The following PSD3 variants were observed in gnomAD, a reference collection of about 807,000 sequenced individuals.
The protein encoded by PSD3 is PH and SEC7 domain-containing protein 3.
Under a neutral mutation model 105.5 loss-of-function variants are expected in PSD3, and 49 were observed. The observed-to-expected ratio is 0.46, with a 90% CI of 0.37 to 0.59. The LOEUF is 0.59. PSD3 is among the 20% of genes least tolerant of loss of function. The pLI is 0.00. For synonymous variants in PSD3, 557 were observed against 457.8 expected (o/e 1.22, Z -2.77); for missense variants, 1,561 against 1,263.8 (o/e 1.24, Z -3.57).
intron 15 of PSD3, among the ~76,000 whole-genome samples, chr8:18,537,138 G>A (rs1169104523): frequency 6.6e-6 from 1 of 152,166 alleles, no homozygotes; most frequent in Admixed American, 6.5e-5. Context: ...GGGTTGGCCA[G>A]GATTCAAGTG....
intron 8 of PSD3, among the ~76,000 whole-genome samples, chr8:18,775,103 CAT>C (rs532724255): frequency 8.5e-4 from 130 of 152,294 alleles, no homozygotes; most frequent in African/African-American, 2.9e-3. Flanking sequence ...TGAGAAAGAA[CAT>C]GTGGTATTTG....
chr8:18,563,652 G>A (rs1453048358), intron 14 of PSD3, among the ~76,000 whole-genome samples: 1 of 152,092 alleles, frequency 6.6e-6, no homozygotes, highest in Non-Finnish European at 1.5e-5. Context: ...GCTTCCACAT[G>A]ATTTAATTAC....
intron 1 of PSD3, among the ~76,000 whole-genome samples, chr8:18,948,131 A>C (rs561562646): frequency 6.6e-6 from 1 of 152,300 alleles, no homozygotes; most frequent in Non-Finnish European, 1.5e-5. Context: ...CTAGTGATTC[A>C]AGACTTCATC....
At chr8:19,053,574 G>T (rs118001526) in intron 1 of PSD3, among the ~76,000 whole-genome samples, 2 of 152,136 alleles carry the variant, frequency 1.3e-5, no homozygotes, top group East Asian at 1.9e-4. Flanking sequence ...CAAGGCAGCC[G>T]GATCACTTGA....
intron 10 of PSD3, among the ~76,000 whole-genome samples, chr8:18,635,287 A>C (rs983516982): frequency 6.6e-6 from 1 of 152,074 alleles, no homozygotes; most frequent in Non-Finnish European, 1.5e-5. Flanking sequence ...GGTTCTTCTT[A>C]CTGGAGAACA....
At chr8:18,548,680 G>A (rs1045457941) in intron 15 of PSD3, among the ~76,000 whole-genome samples, 6 of 152,144 alleles carry the variant, frequency 3.9e-5, no homozygotes, top group Non-Finnish European at 7.3e-5. Context: ...GAATCCCACC[G>A]AATTGAGCTC....
At chr8:18,609,485 C>T (rs747642790) in intron 11 of PSD3, among the ~76,000 whole-genome samples, 1 of 152,202 alleles carries the variant, frequency 6.6e-6, no homozygotes, top group Non-Finnish European at 1.5e-5. Context: ...ATAAGTGAGA[C>T]ATCATCTATA....
chr8:18,693,540 T>C (rs11203983), intron 9 of PSD3, among the ~76,000 whole-genome samples: 138,204 of 152,266 alleles, frequency 0.91, 63,208 homozygotes, highest in Middle Eastern at 0.97. Context: ...AATCTTCAGG[T>C]ATTCCCTGTC....
chr8:19,001,932 C>G (rs1410706065), intron 1 of PSD3: 1 of 182,158 alleles, frequency 5.5e-6, no homozygotes, highest in African/African-American at 2.4e-5. Flanking sequence ...AAGCCAGCAA[C>G]AGCGCCTTTG....
intron 4 of PSD3, among the ~76,000 whole-genome samples, chr8:18,863,619 A>G (rs970106908): frequency 2.0e-5 from 3 of 152,096 alleles, no homozygotes; most frequent in Non-Finnish European, 4.4e-5. Context: ...AATGACAAAA[A>G]ACTTAATTAT....
intron 1 of PSD3, among the ~76,000 whole-genome samples, chr8:18,944,940 T>C (rs1822770251): frequency 6.6e-6 from 1 of 152,184 alleles, no homozygotes; most frequent in Non-Finnish European, 1.5e-5. Flanking sequence ...GAATGAGCCA[T>C]TTTATTTTAA....
At chr8:18,564,808 T>C (rs2465880) in intron 14 of PSD3, among the ~76,000 whole-genome samples, 57,259 of 151,632 alleles carry the variant, frequency 0.38, 10,809 homozygotes, top group East Asian at 0.51. Flanking sequence ...CACTGCCTTG[T>C]GGTCATACCA....
intron 1 of PSD3, among the ~76,000 whole-genome samples, chr8:19,059,665 G>A (rs745509878): frequency 6.6e-6 from 1 of 152,230 alleles, no homozygotes; most frequent in Non-Finnish European, 1.5e-5. Context: ...TTCTACGTCT[G>A]TAAAGCACTG....
Position 18,844,644 on chromosome 8 carries a change from A to T in PSD3, c.1634+23030T>A, listed in dbSNP as rs77634531. Among the ~76,000 whole-genome samples the T allele has an allele frequency of 3.4e-3, 523 of 152,330 alleles. 5 individuals are homozygous for T. The highest frequency in any genetic ancestry group is 0.012 in the African/African-American group (479 of 41,580). Reference sequence around the variant, plus strand: ...ACATACTGGATTTGTTTTCATTTCCAACCACAACCCCTACTCCACATTAAA... The same window carrying T: ...ACATACTGGATTTGTTTTCATTTCCTACCACAACCCCTACTCCACATTAAA... On this transcript the variant is annotated intron_variant, in intron 4 of 15. Transcript: ENST00000327040.
At chr8:18,936,731 C>G (rs1326847480) in intron 1 of PSD3, among the ~76,000 whole-genome samples, 1 of 150,196 alleles carries the variant, frequency 6.7e-6, no homozygotes, top group African/African-American at 2.5e-5. Flanking sequence ...GCACTCCAGC[C>G]TGGGTGACAG....
chr8:18,933,933 G>C (rs1457648799), intron 2 of PSD3, among the ~76,000 whole-genome samples: 3 of 152,136 alleles, frequency 2.0e-5, no homozygotes, highest in African/African-American at 4.8e-5. Flanking sequence ...AAGTATAAGA[G>C]ATATACTACG....
intron 14 of PSD3, among the ~76,000 whole-genome samples, chr8:18,562,915 AAAAGAAAAAGAAAAAGAAAAAAC>A (rs1801488257): frequency 1.1e-4 from 2 of 17,808 alleles, no homozygotes; most frequent in African/African-American, 2.1e-4. Flanking sequence ...AAGAAAAAGA[AAAAGAAAAAGAAAAAGAAAAAAC>A]AAAAACAAAA....
intron 8 of PSD3, among the ~76,000 whole-genome samples, chr8:18,798,930 A>C (rs1810431013): frequency 6.6e-6 from 1 of 152,148 alleles, no homozygotes; most frequent in Non-Finnish European, 1.5e-5. Context: ...TAGGGAAAAC[A>C]CAATTCACAT....
intron 1 of PSD3, among the ~76,000 whole-genome samples, chr8:19,005,725 G>C (rs989965286): frequency 6.6e-6 from 1 of 151,914 alleles, no homozygotes; most frequent in African/African-American, 2.4e-5. Flanking sequence ...CTGAGCTCAA[G>C]AGATCCTCCT....
Sources: gnomAD v4.1 joint callset for allele counts (sites outside exome capture counted in the v4.1 genomes callset) on GRCh38, gnomAD v4.1.1 for gene constraint, MANE v1.5 for transcripts, NCBI Gene and HGNC (gene_info 2026-07-23, HGNC 2026-07-21) for gene names.